KHDRBS2: variants seen among roughly 807,000 people sequenced by gnomAD.
KHDRBS2 encodes the protein KH RNA binding domain containing, signal transduction associated 2.
KHDRBS2 carries 26 observed loss-of-function variants against 44.3 expected under a neutral mutation model. The ratio of observed to expected loss-of-function variants is 0.59; its 90% CI spans 0.43 to 0.81. The LOEUF is 0.81. Ranked by LOEUF, KHDRBS2 falls within the 40% of genes least tolerant of loss-of-function variation. The probability of loss-of-function intolerance (pLI) is 0.00; values close to 1 mark genes in which losing one functional copy is unlikely to be tolerated. For synonymous variants in KHDRBS2, 194 were observed against 151.1 expected (o/e 1.28, Z -2.08); for missense variants, 476 against 433.1 (o/e 1.10, Z -0.88).
At chr6:62,066,049 A>G (rs925140032) in intron 2 of KHDRBS2, among the ~76,000 whole-genome samples, 26 of 151,656 alleles carry the variant, frequency 1.7e-4, no homozygotes, top group African/African-American at 5.8e-4. Flanking sequence ...GTATTCAAAG[A>G]CACGTCTTTG....
chr6:61,624,567 A>G, the KHDRBS2 span, among the ~76,000 whole-genome samples: 1 of 152,222 alleles, frequency 6.6e-6, no homozygotes, highest in African/African-American at 2.4e-5. Flanking sequence ...AATCTGTAAC[A>G]TAACATCCAA....
At chr6:62,004,039 C>T (rs1336366144) in intron 3 of KHDRBS2, among the ~76,000 whole-genome samples, 1 of 152,090 alleles carries the variant, frequency 6.6e-6, no homozygotes, top group Admixed American at 6.6e-5. Context: ...TAAATGCCCA[C>T]AAGGTAAAGC....
At chr6:61,865,071 C>T (rs1173955599) in intron 6 of KHDRBS2, among the ~76,000 whole-genome samples, 1 of 152,136 alleles carries the variant, frequency 6.6e-6, no homozygotes, top group Non-Finnish European at 1.5e-5. Flanking sequence ...GCTATTAATA[C>T]TTGTGACTGC....
intron 4 of KHDRBS2, among the ~76,000 whole-genome samples, chr6:61,922,521 T>C (rs1474423482): frequency 6.6e-6 from 1 of 151,926 alleles, no homozygotes; most frequent in Non-Finnish European, 1.5e-5. Context: ...AGTGCCTGTG[T>C]AGGAGGAAGC....
the KHDRBS2 span, among the ~76,000 whole-genome samples, chr6:61,631,329 A>AC: frequency 8.0e-6 from 1 of 124,658 alleles, no homozygotes; most frequent in Non-Finnish European, 1.8e-5. Flanking sequence ...AAAAAAAAAA[A>AC]AAAAAAAAGA....
chr6:61,571,368 A>T, the KHDRBS2 span, among the ~76,000 whole-genome samples: 8 of 152,256 alleles, frequency 5.3e-5, no homozygotes, highest in South Asian at 1.0e-3. Flanking sequence ...ACAGGAAAAG[A>T]TCACAATCTA....
At chr6:62,011,606 C>T (rs919755881) in intron 3 of KHDRBS2, among the ~76,000 whole-genome samples, 18 of 152,166 alleles carry the variant, frequency 1.2e-4, no homozygotes, top group East Asian at 5.8e-4. Context: ...ACTTTCACAC[C>T]GGGATCAATG....
intron 6 of KHDRBS2, among the ~76,000 whole-genome samples, chr6:61,786,186 G>A (rs1783780787): frequency 6.6e-6 from 1 of 152,016 alleles, no homozygotes; most frequent in Non-Finnish European, 1.5e-5. Flanking sequence ...ATGAAAGAGG[G>A]AGAGGGAGAG....
At chr6:62,111,581 A>G (rs1452979511) in intron 2 of KHDRBS2, among the ~76,000 whole-genome samples, 1 of 152,116 alleles carries the variant, frequency 6.6e-6, no homozygotes, top group Non-Finnish European at 1.5e-5. Context: ...AGTAGCATCA[A>G]AGTTAACTAG....
chr6:62,090,078 T>A (rs1799211584), intron 2 of KHDRBS2, among the ~76,000 whole-genome samples: 1 of 152,114 alleles, frequency 6.6e-6, no homozygotes, highest in African/African-American at 2.4e-5. Flanking sequence ...TTGCCCAGGC[T>A]TGGTATATGA....
chr6:62,253,303 T>A (rs905728447), intron 1 of KHDRBS2, among the ~76,000 whole-genome samples: 3 of 152,064 alleles, frequency 2.0e-5, no homozygotes, highest in African/African-American at 7.2e-5. Flanking sequence ...TGTTTATATA[T>A]GAATTACACA....
the KHDRBS2 span, among the ~76,000 whole-genome samples, chr6:61,603,083 C>A: frequency 5.9e-5 from 9 of 152,152 alleles, no homozygotes; most frequent in Non-Finnish European, 1.2e-4. Context: ...TTACCCCGCT[C>A]AATGCCAATA....
chr6:61,638,888 AGTT>A, the KHDRBS2 span, among the ~76,000 whole-genome samples: 3 of 152,156 alleles, frequency 2.0e-5, no homozygotes, highest in South Asian at 2.1e-4. Flanking sequence ...AAATGTGTCG[AGTT>A]GTTGTTGTTG....
In KHDRBS2 at chr6:62,244,498, C is replaced by T. The variant is rs529323295; in HGVS notation, c.91+41360G>A. The stretch of plus-strand genomic sequence containing the variant: ...ACATTATGACATAATAAAGAAAGCA[C>T]ATGGCTATTGTCAAGTATTAATTAA... On this transcript the variant is annotated intron_variant, in intron 1 of 8. Transcript: ENST00000281156. Among the ~76,000 whole-genome samples the T allele has an allele frequency of 5.9e-4, 90 of 152,208 alleles. 1 individual carries two copies. Among genetic ancestry groups the T allele is most frequent in the Middle Eastern group, 3.4e-3 (1 of 294 alleles).
chr6:61,826,347 A>G (rs1218233023), intron 6 of KHDRBS2, among the ~76,000 whole-genome samples: 1 of 152,110 alleles, frequency 6.6e-6, no homozygotes, highest in South Asian at 2.1e-4. Context: ...GAAGGAAGGG[A>G]AAAAGATGAG....
chr6:61,701,216 G>A (rs746676077), intron 7 of KHDRBS2, among the ~76,000 whole-genome samples: 1 of 151,796 alleles, frequency 6.6e-6, no homozygotes, highest in African/African-American at 2.4e-5. Flanking sequence ...TTTTAGAAAG[G>A]TTTACAAATT....
chr6:61,682,653 C>A (rs1766430126), intron 8 of KHDRBS2, among the ~76,000 whole-genome samples: 1 of 151,900 alleles, frequency 6.6e-6, no homozygotes, highest in Admixed American at 6.6e-5. Context: ...AATATTTATA[C>A]TCTGGGCTTT....
intron 1 of KHDRBS2, among the ~76,000 whole-genome samples, chr6:62,215,775 A>G (rs1251564545): frequency 1.3e-5 from 2 of 151,794 alleles, no homozygotes; most frequent in African/African-American, 4.8e-5. Context: ...ATAGATTTTC[A>G]GAATCATAGG....
intron 6 of KHDRBS2, among the ~76,000 whole-genome samples, chr6:61,824,909 T>G (rs1334562056): frequency 2.6e-5 from 4 of 152,140 alleles, no homozygotes; most frequent in African/African-American, 9.7e-5. Flanking sequence ...ACATTAATCA[T>G]AGTCATGTCA....
Sources: allele counts gnomAD v4.1 joint callset (sites outside exome capture counted in the v4.1 genomes callset), GRCh38; gene constraint gnomAD v4.1.1; transcripts MANE v1.5; gene names NCBI Gene and HGNC (gene_info 2026-07-23, HGNC 2026-07-21).